TPO: variants seen among roughly 807,000 people sequenced by gnomAD.
The protein encoded by TPO is thyroid peroxidase, also known as thyroid microsomal antigen.
A neutral mutation model predicts 96.9 loss-of-function variants in TPO; 78 were observed. The ratio of observed to expected loss-of-function variants is 0.81; its 90% confidence interval spans 0.67 to 0.97. The LOEUF is 0.97. Ranked by LOEUF, TPO falls within the 50% of genes least tolerant of loss-of-function variation. The pLI is 0.00. For missense variants in TPO, 1,252 were observed against 1,274.8 expected, an observed-to-expected ratio of 0.98 and a Z score of 0.27; for synonymous variants, 547 against 538.0, an observed-to-expected ratio of 1.02 and a Z score of -0.23.
chr2:1,522,427 A>T (rs1049610785), intron 15 of TPO, among the ~76,000 whole-genome samples: 4 of 132,296 alleles, frequency 3.0e-5, no homozygotes, highest in Non-Finnish European at 6.3e-5. Context: ...GTGCCCTCGC[A>T]GTCTCTCTTC....
chr2:1,528,165 CCACT>C (rs1345755811), intron 15 of TPO, among the ~76,000 whole-genome samples: 5 of 142,258 alleles, frequency 3.5e-5, no homozygotes, highest in African/African-American at 1.3e-4. Flanking sequence ...CAAATCTCAC[CCACT>C]GTGAGCAAAC....
chr2:1,395,107 A>G (rs1187146133), intron 1 of TPO, among the ~76,000 whole-genome samples: 1 of 152,148 alleles, frequency 6.6e-6, no homozygotes, highest in East Asian at 1.9e-4. Flanking sequence ...TGCAAAACAA[A>G]CACAAACAAA....
intron 1 of TPO, among the ~76,000 whole-genome samples, chr2:1,397,834 C>A (rs145529558): frequency 9.3e-4 from 141 of 152,256 alleles, no homozygotes; most frequent in Non-Finnish European, 2.2e-4. Flanking sequence ...CCGATGTTGT[C>A]TCTCCTTCCA....
Position 1,487,901 on chromosome 2 carries a change from C to G in TPO, c.1678C>G (p.Leu560Val), listed in dbSNP as rs1183798967. The G allele has an allele frequency of 6.2e-7, 1 of 1,614,114 alleles. No homozygotes were observed. Among genetic ancestry groups the G allele is most frequent in the East Asian group, 2.2e-5 (1 of 44,892 alleles). The change falls in exon 10 of 17, where the codon CTG (leucine) becomes GTG (valine). Residue 560 changes from leucine to valine, a missense_variant. By Grantham distance (32) the Leu-to-Val change is conservative (BLOSUM62 1). Coordinates refer to ENST00000329066, the MANE Select transcript of TPO (RefSeq NM_001206744.2). ...GCAGGATCAGCTGATGAACGAGGAG[C>G]TGACGGAAAGGCTCTTTGTGCTGTC... ...QVQDQLMNEE[L>V]TERLFVLSNS...
At chr2:1,541,019 C>CAGGAGAGGAAGGAG in intron 16 of TPO, 1 of 1,366,518 alleles carries the variant, frequency 7.3e-7, no homozygotes, top group Non-Finnish European at 9.6e-7. Context: ...GCTGGAAGCA[C>CAGGAGAGGAAGGAG]AGGAGAGGAA....
rs1232493415 is a variant in TPO at position 1,477,251 on chromosome 2, G to A, written c.985G>A (p.Val329Met). The A allele has an allele frequency of 6.2e-7, 1 of 1,607,244 alleles. No individual in the cohort carries two copies. The highest frequency in any genetic ancestry group is 8.5e-7 in the Non-Finnish European group (1 of 1,177,958). Residue 329 changes from valine to methionine, a missense_variant, in exon 8 of 17, where the codon GTG becomes ATG. Physicochemically the swap from Val to Met is conservative, Grantham distance 21. Coordinates refer to ENST00000329066, the MANE Select transcript of TPO (RefSeq NM_001206744.2). The stretch of plus-strand genomic sequence containing the variant: ...GACCTCGTTCCTGGACGCGTCCACC[G>A]TGTATGGCAGCTCCCCGGCCCTAGA... ...GLTSFLDAST[V>M]YGSSPALERQ...
chr2:1,442,338 C>A (rs1489264466), intron 5 of TPO, among the ~76,000 whole-genome samples: 1 of 152,154 alleles, frequency 6.6e-6, no homozygotes, highest in Non-Finnish European at 1.5e-5. Context: ...TTGTGGAGAT[C>A]TGTGTGCCAC....
intron 16 of TPO, chr2:1,541,459 C>A (rs13412980): frequency 0.17 from 27,246 of 156,726 alleles, 2,469 homozygotes; most frequent in Non-Finnish European, 0.18. Flanking sequence ...CCTGCTCAAG[C>A]AATCCTCTTG....
At chr2:1,443,325 C>T (rs115770568) in intron 5 of TPO, among the ~76,000 whole-genome samples, 9,138 of 125,136 alleles carry the variant, frequency 0.073, 346 homozygotes, top group Middle Eastern at 0.21. Context: ...GTTTGTATGA[C>T]CCAGTCATTG....
At chr2:1,378,090 T>G (rs2148338481) in intron 1 of TPO, among the ~76,000 whole-genome samples, 1 of 152,348 alleles carries the variant, frequency 6.6e-6, no homozygotes, top group East Asian at 1.9e-4. Flanking sequence ...TGTGGCCATT[T>G]AAGACACGGC....
At chr2:1,526,485 C>G (rs1007545345) in intron 15 of TPO, among the ~76,000 whole-genome samples, 3 of 144,454 alleles carry the variant, frequency 2.1e-5, no homozygotes, top group Admixed American at 7.0e-5. Context: ...TGTGCAACCT[C>G]AAGTCCGCCA....
At chr2:1,504,452 A>G (rs1349171642) in intron 14 of TPO, among the ~76,000 whole-genome samples, 1 of 152,116 alleles carries the variant, frequency 6.6e-6, no homozygotes, top group East Asian at 1.9e-4. Flanking sequence ...ACCCCTCCAA[A>G]TGCACCCGAC....
chr2:1,496,860 T>C (rs1672407362), intron 13 of TPO, 95 bp downstream of exon 13: 2 of 1,576,582 alleles, frequency 1.3e-6, no homozygotes, highest in East Asian at 4.5e-5. Flanking sequence ...CGCCAAAAGG[T>C]GCTTCTGAAA....
intron 1 of TPO, among the ~76,000 whole-genome samples, chr2:1,378,512 G>A (rs1363472445): frequency 6.6e-6 from 1 of 152,250 alleles, no homozygotes; most frequent in East Asian, 1.9e-4. Context: ...GCGGCTGATG[G>A]CACAGGATCA....
At chr2:1,486,942 C>T (rs1449942623) in intron 9 of TPO, among the ~76,000 whole-genome samples, 1 of 152,192 alleles carries the variant, frequency 6.6e-6, no homozygotes, top group African/African-American at 2.4e-5. Context: ...CCAGGTCATC[C>T]CACACAGGAC....
Position 1,414,417 on chromosome 2 carries a change from G to T in TPO, c.9G>T (p.Ala3=), listed in dbSNP as rs61758084. Residue 3 remains alanine (A), a synonymous_variant, in exon 2 of 17, where the codon GCG becomes GCT. Coordinates refer to ENST00000329066, the MANE Select transcript of TPO (RefSeq NM_001206744.2). MR[A]LAVLSVTLVM... ...CTTCCGTTAATTTTAGAATGAGAGC[G>T]CTCGCTGTGCTGTCTGTCACGCTGG... 1.2e-6 allele frequency: 2 copies of T among 1,613,566 alleles called. No homozygotes were observed. Among genetic ancestry groups the T allele is most frequent in the Admixed American group, 3.3e-5 (2 of 59,970 alleles).
At chr2:1,397,220 T>C (rs1662095354) in intron 1 of TPO, among the ~76,000 whole-genome samples, 1 of 152,208 alleles carries the variant, frequency 6.6e-6, no homozygotes. Flanking sequence ...CTGTTTATAT[T>C]TGCCACAGTA....
chr2:1,414,567 G>C, intron 2 of TPO, 65 bp downstream of exon 2: 1 of 1,479,074 alleles, frequency 6.8e-7, no homozygotes, highest in Non-Finnish European at 9.4e-7. Flanking sequence ...TACTAAAATA[G>C]AGGGCATAAT....
At chr2:1,387,706 C>T (rs904392108) in intron 1 of TPO, among the ~76,000 whole-genome samples, 14 of 152,370 alleles carry the variant, frequency 9.2e-5, no homozygotes, top group African/African-American at 3.4e-4. Flanking sequence ...TTTCTTCTCT[C>T]AGCTCGTCAA....
Sources: gnomAD v4.1 joint callset for allele counts (sites outside exome capture counted in the v4.1 genomes callset) on GRCh38, gnomAD v4.1.1 for gene constraint, MANE v1.5 for transcripts, NCBI Gene and HGNC (gene_info 2026-07-23, HGNC 2026-07-21) for gene names.